CACNA2D2: variants seen among roughly 807,000 people sequenced by gnomAD.
CACNA2D2 encodes the protein calcium voltage-gated channel auxiliary subunit alpha2delta 2, also known as voltage-dependent calcium channel subunit alpha-2/delta-2.
In CACNA2D2, 48 loss-of-function variants were observed where a neutral mutation model predicts 166.4. The ratio of observed to expected loss-of-function variants is 0.29; its 90% CI spans 0.23 to 0.37. The LOEUF (loss-of-function observed/expected upper bound fraction) is 0.37. Among genes scored for constraint, CACNA2D2 ranks in the 10% least tolerant of loss-of-function variants. The pLI, the probability that CACNA2D2 is intolerant of heterozygous loss-of-function variation, is 1.00. For missense variants in CACNA2D2, 1,122 were observed against 1,433.0 expected (o/e 0.78, Z 3.50); for synonymous variants, 561 against 573.7 (o/e 0.98, Z 0.32).
chr3:50,494,762 CT>C (rs1211244516), intron 1 of CACNA2D2, among the ~76,000 whole-genome samples: 3 of 152,178 alleles, frequency 2.0e-5, no homozygotes, highest in African/African-American at 7.2e-5. Flanking sequence ...ATAGCCTCAA[CT>C]TCCTGGGCTC....
Position 50,367,967 on chromosome 3 carries a change from C to T in CACNA2D2, c.2144-65G>A. ...TTGCAGCTCCTTGCCCACCCTCACC[C>T]CCACCCTTAAGGCTCCACCAGGAGC... On this transcript the variant is annotated intron_variant, in intron 24 of 37. Coordinates refer to ENST00000424201, the MANE Select transcript of CACNA2D2 (RefSeq NM_006030.4). The surrounding 1 kb of genome is among the most constrained non-coding windows in gnomAD (Gnocchi z 6.5). 7.6e-7 allele frequency: 1 copy of T among 1,313,184 alleles called. No homozygotes were observed. Among genetic ancestry groups the T allele is most frequent in the Non-Finnish European group, 1.1e-6 (1 of 921,744 alleles). 81.3% of individuals were successfully genotyped at this position (1,313,184 alleles called of 1,614,324 possible).
chr3:50,399,517 C>T (rs1448260227), intron 3 of CACNA2D2, among the ~76,000 whole-genome samples: 1 of 152,020 alleles, frequency 6.6e-6, no homozygotes, highest in East Asian at 1.9e-4. Flanking sequence ...GAGAATGTTG[C>T]CGAGGGCTGC....
intron 3 of CACNA2D2, among the ~76,000 whole-genome samples, chr3:50,428,884 G>C (rs1188597148): frequency 6.6e-6 from 1 of 152,238 alleles, no homozygotes; most frequent in African/African-American, 2.4e-5. Flanking sequence ...ACAGAGGAGG[G>C]CAGTGGCTGG....
intron 2 of CACNA2D2, among the ~76,000 whole-genome samples, chr3:50,475,780 C>A (rs1232274113): frequency 6.6e-6 from 1 of 152,176 alleles, no homozygotes; most frequent in Non-Finnish European, 1.5e-5. Context: ...TGCACCCCTG[C>A]GTCCACTGAC....
intron 2 of CACNA2D2, among the ~76,000 whole-genome samples, chr3:50,462,880 A>G (rs1163646600): frequency 6.8e-6 from 1 of 146,772 alleles, no homozygotes. Flanking sequence ...ATCTAGAAAT[A>G]TAAGAAAAAG....
chr3:50,440,975 C>T (rs568236159), intron 2 of CACNA2D2, among the ~76,000 whole-genome samples: 9 of 152,006 alleles, frequency 5.9e-5, no homozygotes, highest in South Asian at 4.1e-4. Context: ...GGACGAGGGA[C>T]GCTTGGCAGC....
chr3:50,363,730 G>T lies in CACNA2D2; in HGVS notation c.*936C>A, dbSNP rs587686627. 3 of 155,976 alleles carry T rather than the reference G, an allele frequency of 1.9e-5. No homozygotes were observed. Among genetic ancestry groups the T allele is most frequent in the African/African-American group, 7.2e-5 (3 of 41,580 alleles). The allele number at this position is 155,976 out of a possible 1,614,324, so 9.7% of individuals were successfully genotyped here. Reference sequence around the variant, plus strand: ...CCCACTGGGGGCCTGACACTAGTGAGAAATGGTTACAATGAGCACCTGGAG... The same window carrying T: ...CCCACTGGGGGCCTGACACTAGTGATAAATGGTTACAATGAGCACCTGGAG... On this transcript the variant is annotated 3_prime_UTR_variant, in exon 38 of 38. Transcript: ENST00000424201.
At chr3:50,437,985 C>A (rs1433596199) in intron 2 of CACNA2D2, among the ~76,000 whole-genome samples, 1 of 152,232 alleles carries the variant, frequency 6.6e-6, no homozygotes, top group Admixed American at 6.5e-5. Context: ...AGGAGCACGA[C>A]GGGGCCCAGC....
Position 50,375,777 on chromosome 3 carries a change from T to G in CACNA2D2, c.1845+32A>C, listed in dbSNP as rs1317681149. On this transcript the variant is annotated intron_variant, in intron 20 of 37. Coordinates refer to ENST00000424201, the MANE Select transcript of CACNA2D2 (RefSeq NM_006030.4). This position sits in a 1 kb window ranked among gnomAD's most constrained non-coding sequence, Gnocchi z 4.0. Reference sequence around the variant, plus strand: ...CGCTGGGGTAGAAGGGTGCCCACCCTGACTCCCTGGCCCCCAGCCCTGCCT... The same window carrying G: ...CGCTGGGGTAGAAGGGTGCCCACCCGGACTCCCTGGCCCCCAGCCCTGCCT... 6.8e-6 allele frequency: 11 copies of G among 1,612,684 alleles called. No homozygotes were observed. The highest frequency in any genetic ancestry group is 1.6e-4 in the Middle Eastern group (1 of 6,082).
At chr3:50,433,594 G>A (rs1189023129) in intron 3 of CACNA2D2, among the ~76,000 whole-genome samples, 3 of 152,092 alleles carry the variant, frequency 2.0e-5, no homozygotes, top group African/African-American at 7.2e-5. Context: ...GATCTGGGGG[G>A]AGCTTGGATG....
At chr3:50,434,214 C>A in intron 3 of CACNA2D2, 99 bp downstream of exon 3, 1 of 804,724 alleles carries the variant, frequency 1.2e-6, no homozygotes, top group Non-Finnish European at 2.1e-6. Context: ...CTCAGGAGGG[C>A]CACGTGATGA....
chr3:50,491,735 C>T (rs756404832), intron 1 of CACNA2D2, among the ~76,000 whole-genome samples: 6 of 152,226 alleles, frequency 3.9e-5, no homozygotes, highest in Non-Finnish European at 5.9e-5. Flanking sequence ...GACTCACAGC[C>T]GTGGCCTGTA....
rs1338122508 is a variant in CACNA2D2 at position 50,362,982 on chromosome 3, GC to G, written c.*1683del. 5.5e-5 allele frequency: 22 copies of G among 397,492 alleles called. No homozygotes were observed. The highest frequency in any genetic ancestry group is 1.8e-5 in the Non-Finnish European group (4 of 225,884). The allele number at this position is 397,492 out of a possible 1,614,324, so 24.6% of individuals were successfully genotyped here. A position where few individuals can be genotyped will look rare whatever the true frequency, so the allele number is the denominator to read the frequency against. On this transcript the variant is annotated 3_prime_UTR_variant, in exon 38 of 38. Coordinates refer to ENST00000424201, the MANE Select transcript of CACNA2D2 (RefSeq NM_006030.4). ...AAAAAAGGGCAGAGAAAAGGAAATGGCCCCCCAGTCCCCCAGCCCAAGGTGA... is the reference window on the plus strand; with the variant it reads ...AAAAAAGGGCAGAGAAAAGGAAATGGCCCCCAGTCCCCCAGCCCAAGGTGA...
intron 2 of CACNA2D2, among the ~76,000 whole-genome samples, chr3:50,450,258 C>G (rs1291501941): frequency 6.6e-6 from 1 of 152,104 alleles, no homozygotes; most frequent in Non-Finnish European, 1.5e-5. Flanking sequence ...TGAGGGCCCT[C>G]GGGTCAGGTG....
intron 1 of CACNA2D2, among the ~76,000 whole-genome samples, chr3:50,487,458 C>T (rs961147959): frequency 9.2e-5 from 14 of 152,220 alleles, no homozygotes; most frequent in African/African-American, 2.9e-4. Flanking sequence ...ATGCCCACTT[C>T]CTCTGGGATC....
intron 3 of CACNA2D2, among the ~76,000 whole-genome samples, chr3:50,397,365 G>A (rs774395029): frequency 1.3e-5 from 2 of 152,214 alleles, no homozygotes; most frequent in Non-Finnish European, 2.9e-5. Context: ...CCCGGTGGTG[G>A]GGGAGGAAGG....
At position 50,400,828 on chromosome 3, in the gene CACNA2D2, T is replaced by C. The variant is rs1706411592; in HGVS notation, c.406-6660A>G. Among the ~76,000 whole-genome samples, 4 of 152,204 alleles carry C rather than the reference T, an allele frequency of 2.6e-5. No homozygotes were observed. The South Asian group carries it at 8.3e-4, about 31-fold the overall frequency. On this transcript the variant is annotated intron_variant, in intron 3 of 37. Coordinates refer to ENST00000424201, the MANE Select transcript of CACNA2D2 (RefSeq NM_006030.4). ...TCATCTTTATTTTTTCCTTAACAAA[T>C]TTGTTATAGTTTTTATTAACTAATT...
chr3:50,363,204 C>T lies in CACNA2D2; in HGVS notation c.*1462G>A. 2.5e-6 allele frequency: 1 copy of T among 398,980 alleles called. No homozygotes were observed. The highest frequency in any genetic ancestry group is 4.4e-6 in the Non-Finnish European group (1 of 226,082). The allele number at this position is 398,980 out of a possible 1,614,324, so 24.7% of individuals were successfully genotyped here. ...GCACGCCCCCGAAGGACACAGCTGG[C>T]ATCCAGGCCGGGTGCACATGGACAC... On this transcript the variant is annotated 3_prime_UTR_variant, in exon 38 of 38. Transcript: ENST00000424201.
intron 1 of CACNA2D2, among the ~76,000 whole-genome samples, chr3:50,491,241 G>A (rs1258116028): frequency 1.3e-5 from 2 of 152,224 alleles, no homozygotes; most frequent in Non-Finnish European, 2.9e-5. Context: ...GGCAGGGGGA[G>A]CACCACTGTC....
Sources: gnomAD v4.1 joint callset for allele counts (sites outside exome capture counted in the v4.1 genomes callset) on GRCh38, gnomAD v4.1.1 for gene constraint, Gnocchi (gnomAD v3.1) non-coding constraint, MANE v1.5 for transcripts, NCBI Gene and HGNC (gene_info 2026-07-23, HGNC 2026-07-21) for gene names.